Variants in TRIM37 observed in about 807,000 individuals in gnomAD.
TRIM37 encodes E3 ubiquitin-protein ligase TRIM37.
In TRIM37, 80 loss-of-function variants were observed where a neutral mutation model predicts 129.8. The ratio of observed to expected loss-of-function variants is 0.62; its 90% CI spans 0.51 to 0.74. The LOEUF is 0.74. TRIM37 is among the 30% of genes least tolerant of loss of function. The probability of loss-of-function intolerance (pLI) is 0.00; values close to 1 mark genes in which losing one functional copy is unlikely to be tolerated. For missense variants in TRIM37, 1,054 were observed against 1,176.5 expected (o/e 0.90, Z 1.52); for synonymous variants, 389 against 387.1 (o/e 1.00, Z -0.06).
chr17:59,102,395 C>T (rs2045594514), intron 2 of TRIM37, among the ~76,000 whole-genome samples: 1 of 152,188 alleles, frequency 6.6e-6, no homozygotes, highest in African/African-American at 2.4e-5. Flanking sequence ...CCAGATTCTA[C>T]CACTTAATTA....
chr17:59,063,080 G>C (rs1186346419), intron 10 of TRIM37, among the ~76,000 whole-genome samples: 1 of 151,446 alleles, frequency 6.6e-6, no homozygotes, highest in African/African-American at 2.4e-5. Context: ...ATACGTGTGG[G>C]AAAAACCTCA....
At chr17:59,068,965 A>G (rs1360087132) in intron 9 of TRIM37, among the ~76,000 whole-genome samples, 1 of 152,164 alleles carries the variant, frequency 6.6e-6, no homozygotes, top group East Asian at 1.9e-4. Context: ...AACACAGGAA[A>G]GCTCACCCCA....
chr17:59,094,741 T>A (rs2044699851), intron 2 of TRIM37, among the ~76,000 whole-genome samples: 1 of 151,876 alleles, frequency 6.6e-6, no homozygotes. Flanking sequence ...AAGAAACAGA[T>A]TTGGCATGGT....
chr17:59,058,507 C>A (rs2041180469), intron 12 of TRIM37, among the ~76,000 whole-genome samples: 1 of 151,968 alleles, frequency 6.6e-6, no homozygotes, highest in Admixed American at 6.6e-5. Context: ...ATGTAACAAA[C>A]CTTCATACGT....
At chr17:58,971,325 C>T in the TRIM37 span, among the ~76,000 whole-genome samples, 1 of 152,078 alleles carries the variant, frequency 6.6e-6, no homozygotes, top group African/African-American at 2.4e-5. Flanking sequence ...TCATTGGATA[C>T]AAGAGACCTT....
rs2043221151 is a variant in TRIM37, at chr17:59,081,166, A to G, written c.423T>C (p.Thr141=). Residue 141 remains threonine (T), a synonymous_variant, in exon 6 of 24, where the codon ACT becomes ACC. Coordinates refer to ENST00000262294, the MANE Select transcript of TRIM37 (RefSeq NM_015294.6). ...PLAEIYEQHV[T]KVNEEVAKLR... The stretch of plus-strand genomic sequence containing the variant: ...GTTTGGCTACCTCTTCATTCACTTT[A>G]GTGACGTGTTGCTCATAAATTTCTG... 1.9e-6 allele frequency: 3 copies of G among 1,613,950 alleles called. No individual in the cohort carries two copies. The highest frequency in any genetic ancestry group is 2.5e-6 in the Non-Finnish European group (3 of 1,179,922).
At chr17:59,051,360 ATTC>A in intron 13 of TRIM37, 32 bp from the exon 14 acceptor site, 1 of 1,452,694 alleles carries the variant, frequency 6.9e-7, no homozygotes, top group Non-Finnish European at 9.7e-7. Flanking sequence ...TAAAAAAAAA[ATTC>A]AAATAGTAAA....
At chr17:59,009,741 C>T (rs182913098) in intron 22 of TRIM37, among the ~76,000 whole-genome samples, 6 of 152,216 alleles carry the variant, frequency 3.9e-5, no homozygotes, top group Admixed American at 2.0e-4. Context: ...CCACTGCGCC[C>T]GGCCCTGGCC....
At chr17:59,041,199 A>G (rs1048411977) in intron 17 of TRIM37, among the ~76,000 whole-genome samples, 3 of 152,362 alleles carry the variant, frequency 2.0e-5, no homozygotes, top group South Asian at 2.1e-4. Context: ...TACTCATTAT[A>G]TAAGTCAGTT....
At position 58,999,087 on chromosome 17, in the gene TRIM37, A is replaced by G; in HGVS notation, c.*290T>C. On this transcript the variant is annotated 3_prime_UTR_variant, in exon 24 of 24. Transcript: ENST00000262294. ...TGGCAGTTAACCAGCCTTCTGCTGT[A>G]GTAGACAAACTGCCTTTTGTGAATG... The G allele has an allele frequency of 8.1e-7, 1 of 1,228,324 alleles. No homozygotes were observed. 76.1% of individuals were successfully genotyped at this position (1,228,324 alleles called of 1,614,324 possible). A position where few individuals can be genotyped will look rare whatever the true frequency, so the allele number is the denominator to read the frequency against.
At chr17:59,001,477 A>G in intron 23 of TRIM37, 121 bp downstream of exon 23, 1 of 1,227,260 alleles carries the variant, frequency 8.1e-7, no homozygotes, top group East Asian at 2.4e-5. Flanking sequence ...AAAGAAGTAG[A>G]AGCAGAAGAA....
At chr17:59,085,490 C>A (rs1202133549) in intron 4 of TRIM37, among the ~76,000 whole-genome samples, 1 of 152,148 alleles carries the variant, frequency 6.6e-6, no homozygotes, top group Non-Finnish European at 1.5e-5. Context: ...AAATGTGAAT[C>A]CTAACCTCAT....
chr17:59,001,749 G>T (rs1042252298), intron 22 of TRIM37, 35 bp from the exon 23 acceptor site: 4 of 1,611,582 alleles, frequency 2.5e-6, no homozygotes, highest in Middle Eastern at 3.4e-4. Context: ...TTTCTGAAAA[G>T]AAACCACTGT....
chr17:58,996,009 AAATAAT>A (rs146538227), downstream of TRIM37, among the ~76,000 whole-genome samples: 821 of 152,212 alleles, frequency 5.4e-3, 3 homozygotes, highest in South Asian at 0.019. Flanking sequence ...TTCCAAAAAA[AAATAAT>A]AATAATAATT....
chr17:59,024,707 T>C (rs1292839764), intron 19 of TRIM37, among the ~76,000 whole-genome samples: 1 of 152,214 alleles, frequency 6.6e-6, no homozygotes, highest in Non-Finnish European at 1.5e-5. Context: ...AAAAAATTTA[T>C]TTTTGTAGAG....
the TRIM37 span, chr17:58,972,088 C>G: frequency 1.3e-6 from 2 of 1,571,332 alleles, no homozygotes; most frequent in African/African-American, 1.4e-5. Context: ...AATGTAGTAT[C>G]TATTTCTTTT....
intron 2 of TRIM37, among the ~76,000 whole-genome samples, chr17:59,095,879 A>T (rs1433897428): frequency 6.6e-6 from 1 of 152,098 alleles, no homozygotes; most frequent in Admixed American, 6.6e-5. Flanking sequence ...CACCACATCC[A>T]GCTAATTTTT....
chr17:59,063,273 G>C (rs540269263), intron 10 of TRIM37, among the ~76,000 whole-genome samples: 1 of 151,328 alleles, frequency 6.6e-6, no homozygotes, highest in Admixed American at 6.6e-5. Flanking sequence ...TCCACCTCCC[G>C]GTTTCAGGCA....
chr17:58,969,643 G>A, the TRIM37 span: 8 of 1,614,150 alleles, frequency 5.0e-6, no homozygotes, highest in Middle Eastern at 3.3e-4. Flanking sequence ...TCCGCCAGGA[G>A]ATGTTCCCCC....
Sources: gnomAD v4.1 joint callset for allele counts (sites outside exome capture counted in the v4.1 genomes callset) on GRCh38, gnomAD v4.1.1 for gene constraint, MANE v1.5 for transcripts, NCBI Gene and HGNC (gene_info 2026-07-23, HGNC 2026-07-21) for gene names.